The following SND1 variants were observed in gnomAD, a reference collection of about 807,000 sequenced individuals.
The protein encoded by SND1 is staphylococcal nuclease and tudor domain containing 1.
Under a neutral mutation model 121.7 loss-of-function variants are expected in SND1, and 38 were observed. The observed-to-expected ratio is 0.31, with a 90% CI of 0.24 to 0.41. The LOEUF is 0.41. Ranked by LOEUF, SND1 falls within the 10% of genes least tolerant of loss-of-function variation. The pLI is 1.00. For synonymous variants in SND1, 401 were observed against 447.4 expected (o/e 0.90, Z 1.31); for missense variants, 868 against 1,184.6 (o/e 0.73, Z 3.92).
chr7:128,081,309 T>C (rs748601576), intron 17 of SND1, 51 bp from the exon 18 acceptor site: 4 of 1,609,498 alleles, frequency 2.5e-6, no homozygotes, highest in Non-Finnish European at 3.4e-6. Context: ...CAGTGTCTTT[T>C]ATGACTTCAC....
intron 10 of SND1, among the ~76,000 whole-genome samples, chr7:127,740,609 C>T (rs953620375): frequency 6.6e-6 from 1 of 152,208 alleles, no homozygotes; most frequent in South Asian, 2.1e-4. Flanking sequence ...CCAGTCTGCA[C>T]ATCAGAAATC....
At chr7:127,964,250 T>C (rs1378563894) in intron 15 of SND1, among the ~76,000 whole-genome samples, 1 of 151,534 alleles carries the variant, frequency 6.6e-6, no homozygotes, top group African/African-American at 2.4e-5. Flanking sequence ...CAGAAGCTCT[T>C]GAGTTTAATT....
chr7:128,027,818 G>C (rs1474776675), intron 16 of SND1: 1 of 151,124 alleles, frequency 6.6e-6, no homozygotes, highest in African/African-American at 2.4e-5. Context: ...CCCCCCTGCT[G>C]CCGCACCCCT....
chr7:127,994,027 C>T (rs1422625706), intron 16 of SND1, among the ~76,000 whole-genome samples: 1 of 152,186 alleles, frequency 6.6e-6, no homozygotes, highest in African/African-American at 2.4e-5. Context: ...AAAATGACAC[C>T]ATGTTTGTAA....
At chr7:128,082,734 C>G (rs1302767925) in intron 18 of SND1, among the ~76,000 whole-genome samples, 1 of 152,074 alleles carries the variant, frequency 6.6e-6, no homozygotes, top group East Asian at 1.9e-4. Flanking sequence ...AAGAGCCGTT[C>G]CTGGGCAGAG....
At chr7:127,823,543 T>G (rs1434941709) in intron 11 of SND1, among the ~76,000 whole-genome samples, 1 of 152,072 alleles carries the variant, frequency 6.6e-6, no homozygotes, top group Non-Finnish European at 1.5e-5. Flanking sequence ...TACCAGCAGG[T>G]TTTTTAAAAT....
At chr7:128,076,070 C>T (rs548093276) in intron 17 of SND1, among the ~76,000 whole-genome samples, 8 of 152,340 alleles carry the variant, frequency 5.3e-5, no homozygotes, top group African/African-American at 1.9e-4. Flanking sequence ...CATCTTCGTC[C>T]TTGCCCTGCT....
intron 10 of SND1, among the ~76,000 whole-genome samples, chr7:127,759,552 G>C (rs1210702685): frequency 6.6e-6 from 1 of 152,080 alleles, no homozygotes; most frequent in African/African-American, 2.4e-5. Flanking sequence ...AAGGAATCTT[G>C]TTCCTTTTAG....
intron 10 of SND1, among the ~76,000 whole-genome samples, chr7:127,771,288 A>G (rs1422079381): frequency 6.6e-6 from 1 of 152,216 alleles, no homozygotes; most frequent in Non-Finnish European, 1.5e-5. Context: ...TGGTTTCCCA[A>G]GGGACCAAAT....
chr7:127,974,406 TA>T (rs949730389), intron 15 of SND1, among the ~76,000 whole-genome samples: 1 of 152,162 alleles, frequency 6.6e-6, no homozygotes, highest in Non-Finnish European at 1.5e-5. Flanking sequence ...GCCCTGGAAA[TA>T]CCAAATAGAA....
intron 10 of SND1, among the ~76,000 whole-genome samples, chr7:127,771,435 G>A (rs1797511260): frequency 6.6e-6 from 1 of 152,144 alleles, no homozygotes; most frequent in South Asian, 2.1e-4. Context: ...ACTCATTGAG[G>A]TCTACTTGCA....
In SND1 at chr7:127,701,268, T is replaced by C; in HGVS notation, c.534T>C (p.Tyr178=). Reference sequence around the variant, plus strand: ...CACATACTATCCGGGATCTCAAGTATACCATTGAAAACCCAAGGCACTTTG... The same window carrying C: ...CACATACTATCCGGGATCTCAAGTACACCATTGAAAACCCAAGGCACTTTG... ...NGSHTIRDLK[Y]TIENPRHFVD... is the part of the protein sequence containing the mutation. Residue 178 remains tyrosine (Y), a synonymous_variant, in exon 5 of 24, where the codon TAT becomes TAC. Transcript: ENST00000354725. 2 of 1,614,062 alleles carry C rather than the reference T, an allele frequency of 1.2e-6. No individual in the cohort carries two copies. Among genetic ancestry groups the C allele is most frequent in the Admixed American group, 1.7e-5 (1 of 60,014 alleles).
intron 11 of SND1, among the ~76,000 whole-genome samples, chr7:127,837,499 T>C (rs1798888431): frequency 6.6e-6 from 1 of 152,248 alleles, no homozygotes; most frequent in African/African-American, 2.4e-5. Flanking sequence ...TCACTTATTA[T>C]ATTTCCATTA....
intron 10 of SND1, among the ~76,000 whole-genome samples, chr7:127,759,075 T>TAGATAGAA (rs894577224): frequency 7.3e-5 from 11 of 151,628 alleles, no homozygotes; most frequent in South Asian, 4.2e-4. Context: ...GATAGATAGA[T>TAGATAGAA]AGATAGATAG....
At chr7:127,954,415 GC>G (rs1801546562) in intron 15 of SND1, among the ~76,000 whole-genome samples, 1 of 152,080 alleles carries the variant, frequency 6.6e-6, no homozygotes, top group East Asian at 1.9e-4. Context: ...CTTGAGTTGT[GC>G]TTCTCCTTGA....
intron 10 of SND1, among the ~76,000 whole-genome samples, chr7:127,734,691 G>C (rs1230269550): frequency 6.6e-6 from 1 of 152,182 alleles, no homozygotes; most frequent in Non-Finnish European, 1.5e-5. Context: ...AACACAGTGT[G>C]CAGGTTTAGT....
intron 11 of SND1, among the ~76,000 whole-genome samples, chr7:127,840,527 C>T (rs1414486081): frequency 6.6e-6 from 1 of 152,102 alleles, no homozygotes; most frequent in African/African-American, 2.4e-5. Flanking sequence ...TAATCAGTTT[C>T]TTCTCTCATG....
chr7:127,708,311 G>T (rs1264366483), intron 9 of SND1, among the ~76,000 whole-genome samples: 1 of 151,930 alleles, frequency 6.6e-6, no homozygotes, highest in Non-Finnish European at 1.5e-5. Context: ...TGTGATGTTT[G>T]GTAGGTTGTA....
intron 1 of SND1, among the ~76,000 whole-genome samples, chr7:127,654,303 T>G (rs889366592): frequency 6.6e-6 from 1 of 152,208 alleles, no homozygotes; most frequent in Non-Finnish European, 1.5e-5. Context: ...ACCTAACAAG[T>G]AGATAACGAT....
Sources: gnomAD v4.1 joint callset for allele counts (sites outside exome capture counted in the v4.1 genomes callset) on GRCh38, gnomAD v4.1.1 for gene constraint, MANE v1.5 for transcripts, NCBI Gene and HGNC (gene_info 2026-07-23, HGNC 2026-07-21) for gene names.